Variants in CEP290 observed in about 807,000 individuals in gnomAD.
CEP290 encodes centrosomal protein of 290 kDa.
Under a neutral mutation model 344.9 loss-of-function variants are expected in CEP290, and 317 were observed. The ratio of observed to expected loss-of-function variants is 0.92; its 90% CI spans 0.84 to 1.01. The LOEUF is 1.01. Among genes scored for constraint, CEP290 ranks in the 50% least tolerant of loss-of-function variants. The probability of loss-of-function intolerance (pLI) is 0.00; values close to 1 mark genes in which losing one functional copy is unlikely to be tolerated. For missense variants in CEP290, 2,754 were observed against 2,761.4 expected, an observed-to-expected ratio of 1.00 and a Z score of 0.06; for synonymous variants, 932 against 895.8, an observed-to-expected ratio of 1.04 and a Z score of -0.72.
intron 38 of CEP290, 106 bp from the exon 39 acceptor site, chr12:88,079,335 T>C: frequency 1.1e-6 from 1 of 874,124 alleles, no homozygotes; most frequent in Non-Finnish European, 1.7e-6. Context: ...CTACTATTTT[T>C]CTAAAATATT....
At position 88,071,361 on chromosome 12, in the gene CEP290, ACT is replaced by A; in HGVS notation, c.5942_5943del (p.Glu1981ValfsTer14). The A allele has an allele frequency of 1.9e-6, 3 of 1,609,506 alleles. No individual in the cohort carries two copies. Among genetic ancestry groups the A allele is most frequent in the Non-Finnish European group, 2.5e-6 (3 of 1,177,012 alleles). On this transcript the variant is annotated frameshift_variant, in exon 43 of 54. Transcript: ENST00000552810. LOFTEE classifies it high-confidence loss of function. ...TTTAATTCTTCCAATTCTTTTTCTG[ACT>A]CCAAAGCTCGTATTCCCAAAACCTG... ...VDQVLGIRAL[E>X]SEKELEELKK...
At chr12:88,057,234 A>T (rs1383768441) in intron 49 of CEP290, among the ~76,000 whole-genome samples, 1 of 152,224 alleles carries the variant, frequency 6.6e-6, no homozygotes, top group East Asian at 1.9e-4. Context: ...TTTACTTAAG[A>T]TCATAGTAAG....
intron 44 of CEP290, among the ~76,000 whole-genome samples, chr12:88,065,377 C>T (rs146807139): frequency 2.0e-5 from 3 of 151,710 alleles, no homozygotes; most frequent in African/African-American, 4.8e-5. Flanking sequence ...GCACATATGT[C>T]GTAGCAAAAA....
rs1231122388 is a variant in CEP290, at chr12:88,111,767, A to C, written c.2144T>G (p.Leu715Ter). The change falls in exon 21 of 54, where the codon TTA becomes TGA. Residue 715 changes from leucine (L) to a stop codon, truncating the protein, a stop_gained. Coordinates refer to ENST00000552810, the MANE Select transcript of CEP290 (RefSeq NM_025114.4). LOFTEE classifies it high-confidence loss of function. ...CCGAGATTCCCTGAGCTCCTGTCTTAATTCTTCATTTCTTCCGGTAAGCTG... is the reference window on the plus strand; with the variant it reads ...CCGAGATTCCCTGAGCTCCTGTCTTCATTCTTCATTTCTTCCGGTAAGCTG... ...VDQLTGRNEE[L>*]RQELRESRKE... 6.2e-7 allele frequency: 1 copy of C among 1,607,008 alleles called. No individual in the cohort carries two copies. Among genetic ancestry groups the C allele is most frequent in the East Asian group, 2.3e-5 (1 of 44,208 alleles).
Position 88,086,511 on chromosome 12 carries a change from C to T in CEP290, c.4195-13G>A. ...TTTCTTCATGAAACTAAAAAAAGGA[C>T]AATTTGTGTCAGACACATACACGAA... On this transcript the variant is annotated splice_polypyrimidine_tract_variant and intron_variant, in intron 32 of 53. Transcript: ENST00000552810. 6.4e-7 allele frequency: 1 copy of T among 1,559,792 alleles called. No individual in the cohort carries two copies. Among genetic ancestry groups the T allele is most frequent in the South Asian group, 1.2e-5 (1 of 85,210 alleles).
At chr12:88,095,361 G>C (rs1260610718) in intron 27 of CEP290, among the ~76,000 whole-genome samples, 1 of 151,856 alleles carries the variant, frequency 6.6e-6, no homozygotes, top group Non-Finnish European at 1.5e-5. Flanking sequence ...AAGATATAAG[G>C]GCAACAGGGA....
At chr12:88,059,835 T>G in intron 48 of CEP290, 63 bp downstream of exon 48, 1 of 1,391,974 alleles carries the variant, frequency 7.2e-7, no homozygotes, top group Non-Finnish European at 9.7e-7. Context: ...CTACTTCCAG[T>G]TTTTCCAAGA....
chr12:88,130,528 C>T lies in CEP290; in HGVS notation c.516+17G>A. ...ATATTTTAAATTCCCAAGATTTCAC[C>T]ACACTTAAAGCCTCACCTTTTTCTT... On this transcript the variant is annotated intron_variant, in intron 8 of 53. Coordinates refer to ENST00000552810, the MANE Select transcript of CEP290 (RefSeq NM_025114.4). 6.3e-7 allele frequency: 1 copy of T among 1,594,152 alleles called. No individual in the cohort carries two copies. The highest frequency in any genetic ancestry group is 1.2e-5 in the South Asian group (1 of 86,412).
At chr12:88,098,287 A>AGT in intron 26 of CEP290, among the ~76,000 whole-genome samples, 1 of 148,796 alleles carries the variant, frequency 6.7e-6, no homozygotes, top group South Asian at 2.1e-4. Flanking sequence ...CCTGGGCAAC[A>AGT]GAGCAAAACT....
At position 88,053,750 on chromosome 12, in the gene CEP290, G is replaced by A; in HGVS notation, c.7035-4C>T. ...ATCCAGCTGATGATTAGCTAATCTA[G>A]AACACAATGATAATGTGTTAAAAAA... On this transcript the variant is annotated splice_polypyrimidine_tract_variant and splice_region_variant and intron_variant, in intron 51 of 53. Transcript: ENST00000552810. 7.0e-7 allele frequency: 1 copy of A among 1,426,024 alleles called. No homozygotes were observed. Among genetic ancestry groups the A allele is most frequent in the South Asian group, 1.3e-5 (1 of 74,536 alleles). 88.3% of individuals were successfully genotyped at this position (1,426,024 alleles called of 1,614,324 possible). A position where few individuals can be genotyped will look rare whatever the true frequency, so the allele number is the denominator to read the frequency against.
chr12:88,064,406 T>C (rs761935392), intron 44 of CEP290, among the ~76,000 whole-genome samples: 5 of 152,094 alleles, frequency 3.3e-5, no homozygotes, highest in Non-Finnish European at 7.4e-5. Context: ...AACTGATCTA[T>C]GGTGGTTTTA....
Position 88,103,074 on chromosome 12 carries a change from C to A in CEP290, c.2818-63G>T. Reference sequence around the variant, plus strand: ...TTTTTTTCTGGTCAAGCACTAGCCACTTTTGAGAAAGATAATACAACTTAA... The same window carrying A: ...TTTTTTTCTGGTCAAGCACTAGCCAATTTTGAGAAAGATAATACAACTTAA... On this transcript the variant is annotated intron_variant, in intron 25 of 53. Transcript: ENST00000552810. The A allele has an allele frequency of 4.0e-6, 4 of 1,003,846 alleles. No homozygotes were observed. In the South Asian group the frequency reaches 9.5e-5, roughly 24 times the overall value. The allele number at this position is 1,003,846 out of a possible 1,614,324, so 62.2% of individuals were successfully genotyped here. A position where few individuals can be genotyped will look rare whatever the true frequency, so the allele number is the denominator to read the frequency against.
chr12:88,089,002 T>TAA (rs760474569), intron 31 of CEP290, 30 bp downstream of exon 31: 16 of 1,197,766 alleles, frequency 1.3e-5, no homozygotes, highest in South Asian at 5.3e-5. Flanking sequence ...TACTGTCTCT[T>TAA]AAAAAAAAAA....
rs2038711606 is a variant in CEP290 at position 88,111,817 on chromosome 12, A to G, written c.2094T>C (p.Ser698=). 1 of 1,603,540 alleles carries G rather than the reference A, an allele frequency of 6.2e-7. No homozygotes were observed. Among genetic ancestry groups the G allele is most frequent in the Non-Finnish European group, 8.5e-7 (1 of 1,175,470 alleles). Reference sequence around the variant, plus strand: ...GATCAACTTGGGCTTTCAAATGCAGACTCGCATCAAAGATTCCTTCTGCAT... The same window carrying G: ...GATCAACTTGGGCTTTCAAATGCAGGCTCGCATCAAAGATTCCTTCTGCAT... ...SKNAEGIFDA[S]LHLKAQVDQL... Residue 698 remains serine, a synonymous_variant, in exon 21 of 54, where the codon AGT becomes AGC. Coordinates refer to ENST00000552810, the MANE Select transcript of CEP290 (RefSeq NM_025114.4).
intron 4 of CEP290, 136 bp downstream of exon 4, chr12:88,139,359 T>C: frequency 1.9e-6 from 1 of 530,270 alleles, no homozygotes; most frequent in Non-Finnish European, 2.9e-6. Context: ...TCTAGAAATA[T>C]TTATTATTAA....
intron 6 of CEP290, among the ~76,000 whole-genome samples, chr12:88,134,352 T>C (rs1254819446): frequency 6.6e-6 from 1 of 152,206 alleles, no homozygotes; most frequent in Non-Finnish European, 1.5e-5. Context: ...AATGCCATCA[T>C]TAGCACTTCC....
intron 41 of CEP290, among the ~76,000 whole-genome samples, chr12:88,075,800 T>G (rs2035725319): frequency 6.6e-6 from 1 of 152,224 alleles, no homozygotes; most frequent in Non-Finnish European, 1.5e-5. Context: ...ATTTTAATAC[T>G]GGGCATAGAC....
intron 15 of CEP290, among the ~76,000 whole-genome samples, chr12:88,119,897 G>C (rs1032386149): frequency 1.3e-5 from 2 of 151,948 alleles, no homozygotes; most frequent in Non-Finnish European, 2.9e-5. Flanking sequence ...ACCAAATAAA[G>C]CAATGTTCCA....
intron 32 of CEP290, among the ~76,000 whole-genome samples, chr12:88,086,855 C>T (rs555208474): frequency 3.9e-5 from 6 of 152,206 alleles, no homozygotes; most frequent in South Asian, 4.2e-4. Context: ...TGCATTCTGG[C>T]GAAGGAAAGA....
Sources: allele counts gnomAD v4.1 joint callset (sites outside exome capture counted in the v4.1 genomes callset), GRCh38; gene constraint gnomAD v4.1.1; transcripts MANE v1.5; gene names NCBI Gene and HGNC (gene_info 2026-07-23, HGNC 2026-07-21).